Variants in CEP126 observed in about 807,000 individuals in gnomAD.
The protein encoded by CEP126 is centrosomal protein 126.
CEP126 carries 74 observed loss-of-function variants against 107.8 expected under a neutral mutation model. The ratio of observed to expected loss-of-function variants is 0.69; its 90% confidence interval spans 0.57 to 0.83. CEP126 has a LOEUF of 0.83. Ranked by LOEUF, CEP126 falls within the 40% of genes least tolerant of loss-of-function variation. The pLI is 0.00. For missense variants in CEP126, 1,237 were observed against 1,281.9 expected (o/e 0.96, Z 0.53); for synonymous variants, 449 against 446.0 (o/e 1.01, Z -0.08).
chr11:101,944,000 T>C (rs975872405), intron 2 of CEP126, among the ~76,000 whole-genome samples: 1 of 152,124 alleles, frequency 6.6e-6, no homozygotes, highest in Admixed American at 6.6e-5. Flanking sequence ...GAGGTGGGAA[T>C]AGGTATGCAA....
At chr11:101,970,181 C>A (rs72970246) in intron 6 of CEP126, among the ~76,000 whole-genome samples, 1 of 151,992 alleles carries the variant, frequency 6.6e-6, no homozygotes, top group Non-Finnish European at 1.5e-5. Flanking sequence ...GGGCTTATAT[C>A]CAGAAGATAT....
intron 2 of CEP126, among the ~76,000 whole-genome samples, chr11:101,938,677 C>T (rs1940626599): frequency 1.3e-5 from 2 of 151,956 alleles, no homozygotes; most frequent in African/African-American, 4.8e-5. Context: ...CAAGACACCC[C>T]CTTCTCTACA....
intron 8 of CEP126, among the ~76,000 whole-genome samples, chr11:101,985,408 A>G (rs1192836259): frequency 1.3e-5 from 2 of 151,840 alleles, no homozygotes; most frequent in Non-Finnish European, 2.9e-5. Flanking sequence ...TCAGCCTCCC[A>G]AGTAGCTGGG....
chr11:101,942,418 A>G (rs1591275904), intron 2 of CEP126, among the ~76,000 whole-genome samples: 1 of 152,164 alleles, frequency 6.6e-6, no homozygotes, highest in African/African-American at 2.4e-5. Flanking sequence ...GTGGAAAATC[A>G]TTGGCCATAT....
chr11:101,977,231 T>C (rs977669145), intron 6 of CEP126, among the ~76,000 whole-genome samples: 6 of 152,142 alleles, frequency 3.9e-5, no homozygotes, highest in African/African-American at 1.4e-4. Context: ...GAGTTTGTAA[T>C]TGAGAAAAAG....
intron 4 of CEP126, among the ~76,000 whole-genome samples, chr11:101,950,038 C>G (rs1024652321): frequency 2.0e-5 from 3 of 152,096 alleles, no homozygotes; most frequent in Non-Finnish European, 4.4e-5. Flanking sequence ...AATCAAAGAG[C>G]AAGGGATCAT....
intron 5 of CEP126, among the ~76,000 whole-genome samples, chr11:101,959,980 A>C (rs1329952539): frequency 6.6e-5 from 10 of 152,224 alleles, no homozygotes; most frequent in African/African-American, 2.4e-4. Flanking sequence ...GAAATGTTTA[A>C]AGAAACCATC....
chr11:101,964,080 C>T (rs1005409156), intron 6 of CEP126, among the ~76,000 whole-genome samples, 200 bp downstream of exon 6: 1 of 151,858 alleles, frequency 6.6e-6, no homozygotes, highest in Non-Finnish European at 1.5e-5. Context: ...CCCAGGCGGG[C>T]GGATCACTTG....
chr11:101,996,398 G>A (rs554674503), intron 10 of CEP126, among the ~76,000 whole-genome samples: 1 of 152,106 alleles, frequency 6.6e-6, no homozygotes, highest in African/African-American at 2.4e-5. Flanking sequence ...AGTAGAGCAG[G>A]CTACATTTTT....
At chr11:101,988,751 CT>C (rs1343316901) in intron 9 of CEP126, among the ~76,000 whole-genome samples, 6 of 149,708 alleles carry the variant, frequency 4.0e-5, no homozygotes, top group Non-Finnish European at 8.9e-5. Flanking sequence ...AACGAAGAGA[CT>C]TTGTTAACAG....
Position 101,961,985 on chromosome 11 carries a change from A to G in CEP126, c.950A>G (p.Asp317Gly), listed in dbSNP as rs1940979796. ...ATAAATAATTGGCTTACAAATTTAG[A>G]TGCTTCAAATACTCAGAATGTCACA... Reference protein sequence around the residue: ...QHINNWLTNLDASNTQNVTAF... With the variant: ...QHINNWLTNLGASNTQNVTAF... The change falls in exon 6 of 11, where the codon GAT (aspartate) becomes GGT (glycine). Residue 317 changes from aspartate to glycine, a missense_variant. Transcript: ENST00000263468. The G allele has an allele frequency of 6.2e-7, 1 of 1,611,998 alleles. No homozygotes were observed. The highest frequency in any genetic ancestry group is 1.7e-5 in the Admixed American group (1 of 59,708).
At chr11:101,951,315 A>C (rs1940808937) in intron 4 of CEP126, among the ~76,000 whole-genome samples, 1 of 152,034 alleles carries the variant, frequency 6.6e-6, no homozygotes, top group Non-Finnish European at 1.5e-5. Context: ...ACCAACCTGG[A>C]CAATAGAGCA....
chr11:101,922,835 C>T (rs1378197882), intron 2 of CEP126, 75 bp downstream of exon 2: 1 of 1,216,750 alleles, frequency 8.2e-7, no homozygotes, highest in Non-Finnish European at 1.2e-6. Context: ...TACTTTGTAG[C>T]ACTTTATGAA....
intron 2 of CEP126, among the ~76,000 whole-genome samples, chr11:101,938,457 T>C (rs1444425378): frequency 2.6e-5 from 4 of 151,784 alleles, no homozygotes; most frequent in African/African-American, 4.8e-5. Flanking sequence ...ATTAGATTCT[T>C]TCTTCTTTAG....
At chr11:101,956,292 A>C (rs1940888368) in intron 4 of CEP126, 1 of 456,208 alleles carries the variant, frequency 2.2e-6, no homozygotes, top group East Asian at 7.0e-5. Context: ...ACCCCTTTGG[A>C]ACCTCTCCCT....
At chr11:101,964,192 A>T (rs1415702144) in intron 6 of CEP126, among the ~76,000 whole-genome samples, 1 of 147,926 alleles carries the variant, frequency 6.8e-6, no homozygotes, top group Non-Finnish European at 1.5e-5. Context: ...AGTCCCAGCT[A>T]CTCGGGAGGC....
At chr11:101,980,818 C>T (rs17097363) in intron 7 of CEP126, among the ~76,000 whole-genome samples, 1,756 of 152,152 alleles carry the variant, frequency 0.012, 78 homozygotes, top group Admixed American at 0.084. Context: ...CCACTTTGCA[C>T]GAGGGTTTCA....
intron 6 of CEP126, among the ~76,000 whole-genome samples, chr11:101,972,087 A>T (rs1235053813): frequency 1.3e-5 from 2 of 150,258 alleles, no homozygotes; most frequent in Non-Finnish European, 3.0e-5. Context: ...CAGCCTGGGC[A>T]ATAGAGCAAG....
rs1286652414 is a variant in CEP126 at position 101,962,234 on chromosome 11, G to A, written c.1199G>A (p.Gly400Glu). 4 of 1,613,772 alleles carry A rather than the reference G, an allele frequency of 2.5e-6. No homozygotes were observed. The highest frequency in any genetic ancestry group is 1.6e-4 in the Middle Eastern group (1 of 6,082). The part of the protein sequence containing the change: ...STMRTTDSTS[G>E]AFKRERPLVT... ...ATGAGGACAACTGACTCCACTTCTGGAGCATTCAAAAGAGAGAGACCATTA... is the reference window on the plus strand; with the variant it reads ...ATGAGGACAACTGACTCCACTTCTGAAGCATTCAAAAGAGAGAGACCATTA... Residue 400 changes from glycine to glutamate, a missense_variant, in exon 6 of 11, where the codon GGA becomes GAA. Gly to Glu is a moderately conservative substitution (Grantham distance 98). Around this residue, in one of 3 missense-constraint regions of CEP126, gnomAD observed 1,134 missense variants for 1,150.5 expected, o/e 0.99. Transcript: ENST00000263468.
Sources: allele counts gnomAD v4.1 joint callset (sites outside exome capture counted in the v4.1 genomes callset), GRCh38; gene constraint gnomAD v4.1.1; regional missense constraint gnomAD v4.1.1; transcripts MANE v1.5; gene names NCBI Gene and HGNC (gene_info 2026-07-23, HGNC 2026-07-21).